The following CNTN3 variants were observed in gnomAD, a reference collection of about 807,000 sequenced individuals.
CNTN3 encodes contactin 3.
Under a neutral mutation model 119.1 loss-of-function variants are expected in CNTN3, and 60 were observed. The ratio of observed to expected loss-of-function variants is 0.50; its 90% CI spans 0.41 to 0.62. CNTN3 has a LOEUF of 0.62. Among genes scored for constraint, CNTN3 ranks in the 20% least tolerant of loss-of-function variants. CNTN3 has a pLI of 0.00. For synonymous variants in CNTN3, 450 were observed against 438.7 expected (o/e 1.03, Z -0.32); for missense variants, 1,101 against 1,242.4 (o/e 0.89, Z 1.71).
At chr3:74,319,806 A>C (rs1702937432) in intron 13 of CNTN3, among the ~76,000 whole-genome samples, 1 of 146,832 alleles carries the variant, frequency 6.8e-6, no homozygotes, top group South Asian at 2.4e-4. Flanking sequence ...CAATGAACTC[A>C]AACAAATTTA....
intron 3 of CNTN3, among the ~76,000 whole-genome samples, chr3:74,491,036 G>A (rs1238037186): frequency 6.6e-6 from 1 of 151,984 alleles, no homozygotes; most frequent in African/African-American, 2.4e-5. Context: ...GCTCAAAAGG[G>A]GTGTCTTTGT....
chr3:74,534,354 A>AT (rs574260541), intron 1 of CNTN3, among the ~76,000 whole-genome samples: 33 of 151,834 alleles, frequency 2.2e-4, no homozygotes, highest in African/African-American at 7.2e-4. Context: ...CCACTTTATT[A>AT]TTTTTTTTCA....
At chr3:74,412,632 C>T (rs1178143351) in intron 5 of CNTN3, among the ~76,000 whole-genome samples, 1 of 152,130 alleles carries the variant, frequency 6.6e-6, no homozygotes, top group African/African-American at 2.4e-5. Context: ...AAGGAGGAGA[C>T]TTTCAGCTGT....
At chr3:74,424,989 C>A (rs1701673665) in intron 4 of CNTN3, 49 bp from the exon 5 acceptor site, 2 of 1,307,628 alleles carry the variant, frequency 1.5e-6, no homozygotes, top group South Asian at 2.8e-5. Flanking sequence ...CCAATTAAAT[C>A]ACAAATTTTA....
At chr3:74,406,726 A>C (rs981295782) in intron 5 of CNTN3, among the ~76,000 whole-genome samples, 1 of 151,458 alleles carries the variant, frequency 6.6e-6, no homozygotes, top group Non-Finnish European at 1.5e-5. Flanking sequence ...ATTTCACCAA[A>C]AGGAAAAGAA....
intron 4 of CNTN3, among the ~76,000 whole-genome samples, chr3:74,484,964 G>C (rs780350758): frequency 6.6e-5 from 10 of 152,082 alleles, no homozygotes; most frequent in Non-Finnish European, 1.3e-4. Context: ...AATTTATTGA[G>C]AAATTTTAAG....
rs189718552 is a variant in CNTN3 at position 74,353,281 on chromosome 3, A to G, written c.1364+8609T>C. Among the ~76,000 whole-genome samples the G allele has an allele frequency of 7.4e-4, 112 of 152,320 alleles. 1 individual carries two copies. The highest frequency in any genetic ancestry group is 1.0e-4 in the Non-Finnish European group (7 of 68,030). On this transcript the variant is annotated intron_variant, in intron 11 of 22. Transcript: ENST00000263665. ...GAAATGCTAAGTGGTCTTGGCTCTG[A>G]TAGAATCATCCTGGTTATTTGCAAA... is the stretch of plus-strand genomic sequence containing the variant.
chr3:74,327,105 CCTTTTTTTTT>C (rs1467455635), intron 13 of CNTN3, among the ~76,000 whole-genome samples: 9 of 90,700 alleles, frequency 9.9e-5, no homozygotes, highest in African/African-American at 1.6e-4. Context: ...AAGGGTTAAT[CCTTTTTTTTT>C]TTTTTTTTTT....
At chr3:74,460,936 A>G (rs1003275468) in intron 4 of CNTN3, among the ~76,000 whole-genome samples, 2 of 150,782 alleles carry the variant, frequency 1.3e-5, no homozygotes, top group Non-Finnish European at 3.0e-5. Flanking sequence ...TTATTAGGAA[A>G]CCATTCAGTT....
intron 5 of CNTN3, among the ~76,000 whole-genome samples, chr3:74,410,495 A>G (rs2106869363): frequency 6.6e-6 from 1 of 152,308 alleles, no homozygotes; most frequent in East Asian, 1.9e-4. Flanking sequence ...AGCATAATAC[A>G]GAGAGAAAAG....
chr3:74,281,481 C>G (rs140009016), intron 20 of CNTN3, among the ~76,000 whole-genome samples: 307 of 152,074 alleles, frequency 2.0e-3, no homozygotes, highest in African/African-American at 7.4e-3. Context: ...AGTACAGGCA[C>G]ACACCACCAC....
Position 74,285,414 on chromosome 3 carries a change from T to A in CNTN3, c.2595A>T (p.Arg865Ser). ...CCAGGTTGCTCTTCAGGCCCCGTAG[T>A]CTGGCTGATGTCTCATTTCCTGCCA... ...MKVAGNETSARLRGLKSNLAY... is the reference protein window; with the variant it reads ...MKVAGNETSASLRGLKSNLAY... The change falls in exon 20 of 23, where the codon AGA becomes AGT. Residue 865 changes from arginine to serine, a missense_variant. Coordinates refer to ENST00000263665, the MANE Select transcript of CNTN3 (RefSeq NM_020872.3). 6.2e-7 allele frequency: 1 copy of A among 1,613,684 alleles called. No homozygotes were observed. The highest frequency in any genetic ancestry group is 8.5e-7 in the Non-Finnish European group (1 of 1,179,790).
intron 2 of CNTN3, among the ~76,000 whole-genome samples, chr3:74,517,201 C>T (rs1703465043): frequency 6.6e-6 from 1 of 151,928 alleles, no homozygotes. Context: ...TAGGCCAAAC[C>T]AATGTATAAC....
intron 8 of CNTN3, among the ~76,000 whole-genome samples, chr3:74,366,958 T>TA (rs745780157): frequency 2.3e-3 from 289 of 128,304 alleles, no homozygotes; most frequent in Admixed American, 2.9e-3. Flanking sequence ...CCCGAGTTTC[T>TA]AAAAAAAAAA....
At chr3:74,405,291 C>T (rs939659094) in intron 5 of CNTN3, among the ~76,000 whole-genome samples, 1 of 151,878 alleles carries the variant, frequency 6.6e-6, no homozygotes, top group African/African-American at 2.4e-5. Flanking sequence ...GAAATGCCCC[C>T]TTAATCATAA....
At chr3:74,500,986 T>C (rs1359771743) in intron 2 of CNTN3, among the ~76,000 whole-genome samples, 2 of 152,024 alleles carry the variant, frequency 1.3e-5, no homozygotes, top group African/African-American at 4.8e-5. Context: ...TATTCTAGAA[T>C]AATGGATTCC....
intron 1 of CNTN3, among the ~76,000 whole-genome samples, chr3:74,604,447 C>T (rs1704960968): frequency 6.6e-6 from 1 of 152,090 alleles, no homozygotes; most frequent in African/African-American, 2.4e-5. Flanking sequence ...GTATAAGGAA[C>T]TCAAACAACT....
At chr3:74,387,191 G>A (rs773656794) in intron 5 of CNTN3, among the ~76,000 whole-genome samples, 9 of 151,966 alleles carry the variant, frequency 5.9e-5, no homozygotes, top group Non-Finnish European at 8.8e-5. Flanking sequence ...TGCAATTTTT[G>A]GAGACACAGA....
At chr3:74,533,634 A>T (rs1329166174) in intron 1 of CNTN3, among the ~76,000 whole-genome samples, 1 of 152,014 alleles carries the variant, frequency 6.6e-6, no homozygotes, top group African/African-American at 2.4e-5. Flanking sequence ...TGAATCTAGT[A>T]TTTCCTAGTC....
Sources: gnomAD v4.1 joint callset for allele counts (sites outside exome capture counted in the v4.1 genomes callset) on GRCh38, gnomAD v4.1.1 for gene constraint, MANE v1.5 for transcripts, NCBI Gene and HGNC (gene_info 2026-07-23, HGNC 2026-07-21) for gene names.